ANKH: variants seen among roughly 807,000 people sequenced by gnomAD.
The protein encoded by ANKH is mineralization regulator ANKH.
In ANKH, 15 loss-of-function variants were observed where a neutral mutation model predicts 49.0. The observed-to-expected ratio is 0.31, with a 90% CI of 0.20 to 0.47. The LOEUF (loss-of-function observed/expected upper bound fraction) is 0.47, where lower values mean the gene tolerates loss of function less well. ANKH is among the 20% of genes least tolerant of loss of function. ANKH has a pLI of 1.00. For synonymous variants in ANKH, 273 were observed against 260.0 expected (o/e 1.05, Z -0.48); for missense variants, 429 against 652.0 (o/e 0.66, Z 3.72).
intron 1 of ANKH, among the ~76,000 whole-genome samples, chr5:14,854,198 A>G (rs1742195179): frequency 6.6e-6 from 1 of 152,230 alleles, no homozygotes; most frequent in Non-Finnish European, 1.5e-5. Flanking sequence ...GAACTGTAGT[A>G]CGGCTCCCAC....
At chr5:14,832,669 C>T (rs937070513) in intron 1 of ANKH, among the ~76,000 whole-genome samples, 8 of 152,234 alleles carry the variant, frequency 5.3e-5, no homozygotes, top group African/African-American at 1.9e-4. Context: ...ATTTTAATTA[C>T]CATTCATGCT....
At chr5:14,717,405 G>A (rs1224816553) in intron 8 of ANKH, among the ~76,000 whole-genome samples, 2 of 152,224 alleles carry the variant, frequency 1.3e-5, no homozygotes, top group Admixed American at 1.3e-4. Context: ...AAGCAGATGG[G>A]CAGATGGTAA....
At chr5:14,827,697 GT>G (rs1444850095) in intron 1 of ANKH, among the ~76,000 whole-genome samples, 1 of 152,112 alleles carries the variant, frequency 6.6e-6, no homozygotes, top group Non-Finnish European at 1.5e-5. Context: ...CATCACTAAG[GT>G]TTTTGGACCT....
chr5:14,858,719 A>C (rs1469161435), intron 1 of ANKH, among the ~76,000 whole-genome samples: 1 of 47,240 alleles, frequency 2.1e-5, no homozygotes, highest in Non-Finnish European at 4.6e-5. Context: ...CCATCTCAAT[A>C]AATAAATAAA....
chr5:14,719,913 T>C (rs1285096630), intron 8 of ANKH, among the ~76,000 whole-genome samples: 1 of 152,216 alleles, frequency 6.6e-6, no homozygotes, highest in Non-Finnish European at 1.5e-5. Flanking sequence ...TGTTAAAAAC[T>C]TGACAGTTTC....
Position 14,802,441 on chromosome 5 carries a change from T to C in ANKH, c.97-33250A>G, listed in dbSNP as rs537350482. 5.3e-5 allele frequency among the ~76,000 whole-genome samples: 8 copies of C among 152,224 alleles called. No homozygotes were observed. In the South Asian group the frequency reaches 8.3e-4, roughly 16 times the overall value. The stretch of plus-strand genomic sequence containing the variant: ...TCTCATGGAGTTTGCTGAATCCCTA[T>C]TACTACTTGATCTCTCTTGACCTTA... On this transcript the variant is annotated intron_variant, in intron 1 of 11. Coordinates refer to ENST00000284268, the MANE Select transcript of ANKH (RefSeq NM_054027.6).
Position 14,713,869 on chromosome 5 carries a change from C to A in ANKH, c.1142-202G>T, listed in dbSNP as rs1737338874. Among the ~76,000 whole-genome samples, 1 of 152,256 alleles carries A rather than the reference C, an allele frequency of 6.6e-6. No individual in the cohort carries two copies. The highest frequency in any genetic ancestry group is 2.4e-5 in the African/African-American group (1 of 41,468). Reference sequence around the variant, plus strand: ...TAGGCCCGCCTCGGCTCCCCGCCTCCTCACAGCCCTTTGGATCTAAATGGC... The same window carrying A: ...TAGGCCCGCCTCGGCTCCCCGCCTCATCACAGCCCTTTGGATCTAAATGGC... On this transcript the variant is annotated intron_variant, in intron 9 of 11. Transcript: ENST00000284268. The surrounding 1 kb of genome is among the most constrained non-coding windows in gnomAD (Gnocchi z 4.4).
At chr5:14,726,455 C>T (rs1737825688) in intron 8 of ANKH, among the ~76,000 whole-genome samples, 1 of 152,140 alleles carries the variant, frequency 6.6e-6, no homozygotes, top group Non-Finnish European at 1.5e-5. Context: ...GGATCCTCGT[C>T]ACGGCTACTG....
At chr5:14,801,370 G>T (rs949108204) in intron 1 of ANKH, among the ~76,000 whole-genome samples, 1 of 152,140 alleles carries the variant, frequency 6.6e-6, no homozygotes, top group Non-Finnish European at 1.5e-5. Flanking sequence ...TTCTAAAACA[G>T]TGTAGGTTTG....
At chr5:14,714,717 T>G (rs970642407) in intron 9 of ANKH, among the ~76,000 whole-genome samples, 1 of 152,164 alleles carries the variant, frequency 6.6e-6, no homozygotes, top group Non-Finnish European at 1.5e-5. Flanking sequence ...CCCAGGCATA[T>G]GCTAAACTGG....
At chr5:14,799,329 G>C (rs1011563077) in intron 1 of ANKH, among the ~76,000 whole-genome samples, 6 of 152,230 alleles carry the variant, frequency 3.9e-5, no homozygotes, top group African/African-American at 1.4e-4. Context: ...TGTAGGAGCT[G>C]CAGCAACTTA....
At chr5:14,828,001 T>A (rs1224587209) in intron 1 of ANKH, among the ~76,000 whole-genome samples, 1 of 152,216 alleles carries the variant, frequency 6.6e-6, no homozygotes, top group African/African-American at 2.4e-5. Flanking sequence ...TGTTCCGGCA[T>A]AAGATAAATC....
chr5:14,741,705 T>C, intron 8 of ANKH, 122 bp downstream of exon 8: 1 of 751,930 alleles, frequency 1.3e-6, no homozygotes, highest in Admixed American at 2.1e-5. Flanking sequence ...ATTGAAGAGA[T>C]TGCTAATTAA....
At chr5:14,858,943 T>A (rs1735392686) in intron 1 of ANKH, among the ~76,000 whole-genome samples, 1 of 152,038 alleles carries the variant, frequency 6.6e-6, no homozygotes, top group Admixed American at 6.6e-5. Context: ...TTAGTCTTTT[T>A]TTTTTAAAAG....
At chr5:14,823,949 A>T (rs1485831069) in intron 1 of ANKH, among the ~76,000 whole-genome samples, 1 of 152,056 alleles carries the variant, frequency 6.6e-6, no homozygotes, top group East Asian at 1.9e-4. Context: ...ACAAACAAAC[A>T]AATCTTTCTT....
At chr5:14,858,148 T>C (rs1209744169) in intron 1 of ANKH, among the ~76,000 whole-genome samples, 1 of 152,238 alleles carries the variant, frequency 6.6e-6, no homozygotes, top group Admixed American at 6.5e-5. Flanking sequence ...AATTTTAATT[T>C]TTATTTCAAT....
intron 1 of ANKH, among the ~76,000 whole-genome samples, chr5:14,799,179 C>T (rs548009670): frequency 6.6e-6 from 1 of 152,340 alleles, no homozygotes; most frequent in South Asian, 2.1e-4. Flanking sequence ...AAGGCTCTCA[C>T]TCTTGAATTC....
rs776282205 is a variant in ANKH at position 14,748,031 on chromosome 5, G to A, written c.822+1141C>T. ...ATGCCAGTGCTGTACCCCACGTGCTGTTCCTATATGCCATCGAGAGCAATT... is the reference window on the plus strand; with the variant it reads ...ATGCCAGTGCTGTACCCCACGTGCTATTCCTATATGCCATCGAGAGCAATT... On this transcript the variant is annotated intron_variant, in intron 6 of 11. Transcript: ENST00000284268. Among the ~76,000 whole-genome samples the A allele has an allele frequency of 6.0e-4, 91 of 152,220 alleles. 1 individual carries two copies. The highest frequency in any genetic ancestry group is 9.6e-4 in the Non-Finnish European group (65 of 68,038).
intron 1 of ANKH, among the ~76,000 whole-genome samples, chr5:14,800,717 C>T (rs903520977): frequency 4.0e-5 from 6 of 148,402 alleles, no homozygotes; most frequent in Admixed American, 3.3e-4. Flanking sequence ...GCAAATATAA[C>T]ATTTTTTTTC....
Sources: allele counts gnomAD v4.1 joint callset (sites outside exome capture counted in the v4.1 genomes callset), GRCh38; gene constraint gnomAD v4.1.1; non-coding constraint Gnocchi (gnomAD v3.1); transcripts MANE v1.5; gene names NCBI Gene and HGNC (gene_info 2026-07-23, HGNC 2026-07-21).